Variants in MAOB observed in about 807,000 individuals in gnomAD.
MAOB encodes monoamine oxidase B.
In MAOB, 15 loss-of-function variants were observed where a neutral mutation model predicts 41.9. That is an observed-to-expected ratio of 0.36 (90% confidence interval 0.24 to 0.55). The LOEUF is 0.55. Among genes scored for constraint, MAOB ranks in the 20% least tolerant of loss-of-function variants. The probability of loss-of-function intolerance (pLI) is 0.86; values close to 1 mark genes in which losing one functional copy is unlikely to be tolerated. For missense variants in MAOB, 345 were observed against 398.7 expected, an observed-to-expected ratio of 0.87 and a Z score of 1.15; for synonymous variants, 167 against 144.2, an observed-to-expected ratio of 1.16 and a Z score of -1.13.
chrX:43,874,336 C>T lies in MAOB; in HGVS notation c.46+7918G>A, dbSNP rs777937519. 1.1e-4 allele frequency among the ~76,000 whole-genome samples: 12 copies of T among 111,456 alleles called. No homozygotes were observed. The South Asian group carries it at 4.6e-3, about 43-fold the overall frequency. ...GTGCAACTTTGGACACCTCCTTCTA[C>T]TCATTCTTCCCTTCTTTCTATCCCC... On this transcript the variant is annotated intron_variant, in intron 1 of 14. Transcript: ENST00000378069.
chrX:43,792,590 G>A (rs1238570026), intron 8 of MAOB, among the ~76,000 whole-genome samples: 1 of 111,940 alleles, frequency 8.9e-6, no homozygotes, highest in Non-Finnish European at 1.9e-5. Context: ...ACGAAAAAGA[G>A]CTCTGCATTA....
chrX:43,791,948 A>G (rs3027450), intron 8 of MAOB, among the ~76,000 whole-genome samples: 16,542 of 111,303 alleles, frequency 0.15, 1,315 homozygotes, highest in Middle Eastern at 0.29. Context: ...TGAGTAGTAC[A>G]CTTGTTGAAT....
intron 1 of MAOB, among the ~76,000 whole-genome samples, chrX:43,853,153 A>C (rs1221084151): frequency 9.2e-6 from 1 of 108,366 alleles, no homozygotes; most frequent in African/African-American, 3.4e-5. Context: ...CTGTGGTCCC[A>C]GCTGCTCGGG....
chrX:43,809,691 C>T (rs977392507), intron 3 of MAOB, among the ~76,000 whole-genome samples: 8 of 111,766 alleles, frequency 7.2e-5, no homozygotes, highest in Admixed American at 9.5e-5. Flanking sequence ...GGAAACATTC[C>T]AGTGATTATT....
intron 5 of MAOB, 132 bp downstream of exon 5, chrX:43,802,040 T>G: frequency 1.9e-6 from 1 of 532,699 alleles, no homozygotes; most frequent in Non-Finnish European, 3.3e-6. Context: ...CCAATGGTTT[T>G]CAGCATGCCA....
At chrX:43,775,384 A>G in intron 11 of MAOB, 112 bp from the exon 12 acceptor site, 5 of 1,075,094 alleles carry the variant, frequency 4.7e-6, no homozygotes, top group Non-Finnish European at 6.1e-6. Context: ...TATTTCGGAA[A>G]TAGAGTTGCA....
At chrX:43,804,453 GAA>G (rs912005321) in intron 3 of MAOB, among the ~76,000 whole-genome samples, 2 of 109,463 alleles carry the variant, frequency 1.8e-5, no homozygotes, top group Non-Finnish European at 3.8e-5. Flanking sequence ...ACCAACAGGA[GAA>G]AGAGAGAGAG....
At chrX:43,797,331 A>C in intron 5 of MAOB, 65 bp from the exon 6 acceptor site, 1 of 911,817 alleles carries the variant, frequency 1.1e-6, no homozygotes, top group Non-Finnish European at 1.4e-6. Context: ...ATTCTCTAAA[A>C]ATTATTTAAG....
intron 11 of MAOB, among the ~76,000 whole-genome samples, chrX:43,775,854 C>T (rs949133749): frequency 8.9e-6 from 1 of 112,029 alleles, no homozygotes; most frequent in African/African-American, 3.2e-5. Context: ...AGCTCAAATG[C>T]TTTTTTAAAG....
chrX:43,793,870 C>A (rs953777766), intron 7 of MAOB, among the ~76,000 whole-genome samples: 1 of 111,005 alleles, frequency 9.0e-6, no homozygotes, highest in African/African-American at 3.3e-5. Flanking sequence ...GACACTCTTA[C>A]TTCTGCTATT....
intron 3 of MAOB, among the ~76,000 whole-genome samples, chrX:43,810,373 A>C (rs2034731893): frequency 2.7e-5 from 3 of 109,974 alleles, no homozygotes; most frequent in African/African-American, 9.9e-5. Context: ...AATGTCACTC[A>C]CTCATTTTGT....
In MAOB at chrX:43,811,764, C is replaced by T. The variant is rs767530786; in HGVS notation, c.280-8360G>A. Reference sequence around the variant, plus strand: ...ACATGAGATGTTTTGATGATACAGGCATGCAATGTGTAATAATCACATCAT... The same window carrying T: ...ACATGAGATGTTTTGATGATACAGGTATGCAATGTGTAATAATCACATCAT... On this transcript the variant is annotated intron_variant, in intron 3 of 14. Coordinates refer to ENST00000378069, the MANE Select transcript of MAOB (RefSeq NM_000898.5). 9.0e-5 allele frequency among the ~76,000 whole-genome samples: 10 copies of T among 111,462 alleles called. No individual in the cohort carries two copies. In the East Asian group the frequency reaches 2.8e-3, roughly 31 times the overall value.
At chrX:43,809,526 ACTT>A (rs1415130886) in intron 3 of MAOB, among the ~76,000 whole-genome samples, 1 of 112,493 alleles carries the variant, frequency 8.9e-6, no homozygotes, top group African/African-American at 3.2e-5. Context: ...ATTAGGGAAA[ACTT>A]CTGATAAACA....
chrX:43,783,759 A>G (rs2034365445), intron 8 of MAOB, among the ~76,000 whole-genome samples: 1 of 111,600 alleles, frequency 9.0e-6, no homozygotes, highest in African/African-American at 3.3e-5. Flanking sequence ...GAAGACAACA[A>G]CGAAGTTTGC....
At chrX:43,839,056 A>T in intron 2 of MAOB, 51 bp from the exon 3 acceptor site, 1 of 960,398 alleles carries the variant, frequency 1.0e-6, no homozygotes, top group Non-Finnish European at 1.4e-6. Flanking sequence ...AATGTATAAA[A>T]TAACAAAAGA....
rs1353972438 is a variant in MAOB, at chrX:43,780,388, G to A, written c.1033C>T (p.Leu345=). 2 of 1,195,727 alleles carry A rather than the reference G, an allele frequency of 1.7e-6. No homozygotes were observed. The highest frequency in any genetic ancestry group is 2.2e-5 in the Admixed American group (1 of 45,789). ...GCCAGTTTTCTGGCTTTGTGGGCCA[G>A]GATAAATCTAAAGAATATAAACAAG... ...GNYAAIMGFI[L]AHKARKLARL... is the part of the protein sequence containing the mutation. The change falls in exon 10 of 15, where the codon CTG becomes TTG. Residue 345 remains leucine, a synonymous_variant. Transcript: ENST00000378069.
chrX:43,773,070 C>T (rs904462933), intron 12 of MAOB, among the ~76,000 whole-genome samples: 1 of 112,261 alleles, frequency 8.9e-6, no homozygotes, highest in Non-Finnish European at 1.9e-5. Context: ...ATACACCATC[C>T]ATGCAAAGTT....
chrX:43,869,804 C>T (rs960856821), intron 1 of MAOB, among the ~76,000 whole-genome samples: 5 of 111,762 alleles, frequency 4.5e-5, no homozygotes, highest in Admixed American at 2.8e-4. Context: ...AAAGGTTCAT[C>T]GTCAAAACCC....
intron 8 of MAOB, among the ~76,000 whole-genome samples, chrX:43,787,315 G>A (rs192646155): frequency 3.6e-5 from 4 of 111,593 alleles, no homozygotes; most frequent in African/African-American, 1.3e-4. Context: ...CATTCATCTG[G>A]ATGAATAACT....
Sources: gnomAD v4.1 joint callset for allele counts (sites outside exome capture counted in the v4.1 genomes callset) on GRCh38, gnomAD v4.1.1 for gene constraint, MANE v1.5 for transcripts, NCBI Gene and HGNC (gene_info 2026-07-23, HGNC 2026-07-21) for gene names.